Variants in CEMIP2 observed in about 807,000 individuals in gnomAD.
The protein encoded by CEMIP2 is cell surface hyaluronidase CEMIP2.
A neutral mutation model predicts 146.9 loss-of-function variants in CEMIP2; 79 were observed. That is an observed-to-expected ratio of 0.54 (90% confidence interval 0.45 to 0.65). CEMIP2 has a LOEUF of 0.65. Ranked by LOEUF, CEMIP2 falls within the 30% of genes least tolerant of loss-of-function variation. The pLI is 0.00. For missense variants in CEMIP2, 1,596 were observed against 1,696.2 expected (o/e 0.94, Z 1.04); for synonymous variants, 601 against 606.3 (o/e 0.99, Z 0.13).
chr9:71,690,826 A>G (rs1341541868), intron 21 of CEMIP2, among the ~76,000 whole-genome samples: 1 of 152,246 alleles, frequency 6.6e-6, no homozygotes, highest in African/African-American at 2.4e-5. Flanking sequence ...TTATTTCACA[A>G]CTATTGTGAG....
chr9:71,694,077 GAAAT>G (rs1396264718), intron 21 of CEMIP2, among the ~76,000 whole-genome samples: 1 of 151,778 alleles, frequency 6.6e-6, no homozygotes, highest in East Asian at 1.9e-4. Context: ...AGAACTGTGA[GAAAT>G]AAATTTCTGT....
intron 13 of CEMIP2, among the ~76,000 whole-genome samples, chr9:71,716,997 C>T (rs1332343641): frequency 1.3e-5 from 2 of 152,134 alleles, no homozygotes; most frequent in African/African-American, 4.8e-5. Context: ...CACAGGGACA[C>T]TCTGTCTCCA....
chr9:71,725,489 C>T (rs1823355682), intron 11 of CEMIP2, 92 bp downstream of exon 11: 1 of 1,356,334 alleles, frequency 7.4e-7, no homozygotes, highest in African/African-American at 1.5e-5. Context: ...TATTCTACTA[C>T]AGCAGCACAA....
At chr9:71,742,946 A>G (rs993763166) in intron 4 of CEMIP2, among the ~76,000 whole-genome samples, 2 of 152,206 alleles carry the variant, frequency 1.3e-5, no homozygotes, top group African/African-American at 4.8e-5. Context: ...TCGGCCGGGC[A>G]CATGGCTTAT....
At chr9:71,729,638 C>CA (rs1823556526) in intron 10 of CEMIP2, among the ~76,000 whole-genome samples, 1 of 150,394 alleles carries the variant, frequency 6.6e-6, no homozygotes, top group African/African-American at 2.4e-5. Context: ...AAAAAAATTA[C>CA]AAAAAAGATA....
rs1208543100 is a variant in CEMIP2 at position 71,745,538 on chromosome 9, T to C, written c.514A>G (p.Ile172Val). The C allele has an allele frequency of 6.2e-7, 1 of 1,612,288 alleles. No homozygotes were observed. The highest frequency in any genetic ancestry group is 1.1e-5 in the South Asian group (1 of 91,070). Residue 172 changes from isoleucine to valine, a missense_variant, in exon 4 of 24, where the codon ATT (isoleucine) becomes GTT (valine). Coordinates refer to ENST00000377044, the MANE Select transcript of CEMIP2 (RefSeq NM_013390.3). ...FGDNKDGSRN[I>V]TLRTHYILIQ... ...AGGATGTAATGAGTCCTCAAAGTAA[T>C]ATTTCTGGATCCATCTTTATTGTCC...
chr9:71,728,300 T>C (rs1346355657), intron 10 of CEMIP2, among the ~76,000 whole-genome samples: 485 of 37,082 alleles, frequency 0.013, 7 homozygotes, highest in Non-Finnish European at 0.015. Flanking sequence ...TATATATATA[T>C]ACATATATAT....
rs1000822355 is a variant in CEMIP2, at chr9:71,684,055, C to G, written c.*1142G>C. ...TGGAAAGGGAAGCTGGGCATCACAG[C>G]ATGCTTTTTAATTGGCTTTAACATT... On this transcript the variant is annotated 3_prime_UTR_variant, in exon 24 of 24. Transcript: ENST00000377044. 1 of 152,218 alleles carries G rather than the reference C, an allele frequency of 6.6e-6. No homozygotes were observed. The highest frequency in any genetic ancestry group is 2.4e-5 in the African/African-American group (1 of 41,440). 9.4% of individuals were successfully genotyped at this position (152,218 alleles called of 1,614,324 possible).
At chr9:71,764,343 A>G (rs12379790) in intron 1 of CEMIP2, among the ~76,000 whole-genome samples, 103,447 of 151,778 alleles carry the variant, frequency 0.68, 38,039 homozygotes, top group Non-Finnish European at 0.83. Flanking sequence ...AAGCCCAAAT[A>G]CAAATTATCT....
chr9:71,760,728 C>T (rs992158330), intron 1 of CEMIP2, among the ~76,000 whole-genome samples: 8 of 151,806 alleles, frequency 5.3e-5, no homozygotes, highest in Admixed American at 4.6e-4. Flanking sequence ...ACTCTCTGAG[C>T]AACCAAAAAT....
At chr9:71,700,966 T>C (rs1430480460) in intron 18 of CEMIP2, 142 bp from the exon 19 acceptor site, 3 of 719,126 alleles carry the variant, frequency 4.2e-6, no homozygotes, top group Non-Finnish European at 6.4e-6. Flanking sequence ...ATTTCTTCTG[T>C]GTGTTGGGCC....
At chr9:71,723,436 G>T (rs976458096) in intron 11 of CEMIP2, among the ~76,000 whole-genome samples, 1 of 151,766 alleles carries the variant, frequency 6.6e-6, no homozygotes, top group African/African-American at 2.4e-5. Context: ...TAGACTCATG[G>T]CCATACTAAC....
intron 6 of CEMIP2, among the ~76,000 whole-genome samples, chr9:71,734,388 A>G (rs1823705565): frequency 6.6e-6 from 1 of 152,166 alleles, no homozygotes; most frequent in Non-Finnish European, 1.5e-5. Flanking sequence ...AGCATCAGGA[A>G]AAATAGCTAA....
rs775650461 is a variant in CEMIP2, at chr9:71,718,016, G to A, written c.2331C>T (p.Leu777=). 12 of 1,613,114 alleles carry A rather than the reference G, an allele frequency of 7.4e-6. No homozygotes were observed. The highest frequency in any genetic ancestry group is 2.7e-5 in the African/African-American group (2 of 74,844). Residue 777 remains leucine, a synonymous_variant, in exon 13 of 24, where the codon CTC becomes CTT. Transcript: ENST00000377044. ...KPRVAALIDR[L]IAFKNNDNGA... Reference sequence around the variant, plus strand: ...CATTATCATTATTTTTAAAAGCAATGAGCCTGTCAATTAGAGCAGCAACAC... The same window carrying A: ...CATTATCATTATTTTTAAAAGCAATAAGCCTGTCAATTAGAGCAGCAACAC...
At chr9:71,756,191 C>CTAGATAGATAGATGGATAGATAGA (rs1824436938) in intron 1 of CEMIP2, among the ~76,000 whole-genome samples, 1 of 128,476 alleles carries the variant, frequency 7.8e-6, no homozygotes, top group African/African-American at 2.8e-5. Context: ...AGCAAAAATG[C>CTAGATAGATAGATGGATAGATAGA]TAGATAGATA....
intron 17 of CEMIP2, among the ~76,000 whole-genome samples, chr9:71,706,807 A>G (rs1822754355): frequency 6.6e-6 from 1 of 151,558 alleles, no homozygotes; most frequent in South Asian, 2.1e-4. Flanking sequence ...AAAAGGCTAA[A>G]AGCTTATTAT....
At position 71,698,138 on chromosome 9, in the gene CEMIP2, TC is replaced by T. The variant is rs748488610; in HGVS notation, c.3443del (p.Gly1148AspfsTer112). 1.9e-6 allele frequency: 3 copies of T among 1,614,126 alleles called. No individual in the cohort carries two copies. The highest frequency in any genetic ancestry group is 2.5e-6 in the Non-Finnish European group (3 of 1,180,018). The stretch of plus-strand genomic sequence containing the variant: ...CTGCTTGGATCTTGACTCTTTCACA[TC>T]CCTGAGATGAACAGTAACTGTGGCC... The part of the protein sequence containing the change: ...RHGHSYCSSQ[G>X]CERVKIQAAT... On this transcript the variant is annotated frameshift_variant, in exon 20 of 24. Transcript: ENST00000377044. LOFTEE classifies it high-confidence loss of function.
Position 71,746,182 on chromosome 9 carries a change from G to C in CEMIP2, c.472+19C>G. ...AAAGAGCAACCTTGCAGTTCCCATA[G>C]GCAGGAACCATTACCTACCTCCATC... On this transcript the variant is annotated intron_variant, in intron 3 of 23. Coordinates refer to ENST00000377044, the MANE Select transcript of CEMIP2 (RefSeq NM_013390.3). 6.2e-7 allele frequency: 1 copy of C among 1,611,074 alleles called. No individual in the cohort carries two copies. The highest frequency in any genetic ancestry group is 8.5e-7 in the Non-Finnish European group (1 of 1,178,420).
chr9:71,747,208 A>C (rs1275943687), intron 2 of CEMIP2, among the ~76,000 whole-genome samples: 1 of 152,244 alleles, frequency 6.6e-6, no homozygotes, highest in African/African-American at 2.4e-5. Context: ...ACCTATGGCC[A>C]AGTATTTGTG....
Sources: allele counts gnomAD v4.1 joint callset (sites outside exome capture counted in the v4.1 genomes callset), GRCh38; gene constraint gnomAD v4.1.1; transcripts MANE v1.5; gene names NCBI Gene and HGNC (gene_info 2026-07-23, HGNC 2026-07-21).